CASQ1: variants seen among roughly 807,000 people sequenced by gnomAD.
CASQ1 encodes calsequestrin 1, also known as calsequestrin-1.
In CASQ1, 40 loss-of-function variants were observed where a neutral mutation model predicts 49.5. The observed-to-expected ratio is 0.81, with a 90% CI of 0.63 to 1.05. CASQ1 has a LOEUF of 1.05. Ranked by LOEUF, CASQ1 falls within the 50% of genes least tolerant of loss-of-function variation. The pLI is 0.00. For missense variants in CASQ1, 469 were observed against 486.9 expected (o/e 0.96, Z 0.35); for synonymous variants, 174 against 187.2 (o/e 0.93, Z 0.58).
intron 1 of CASQ1, 110 bp downstream of exon 1, chr1:160,191,140 T>C: frequency 8.4e-7 from 1 of 1,193,872 alleles, no homozygotes; most frequent in Non-Finnish European, 1.2e-6. Flanking sequence ...TGAGGGGCAG[T>C]GTGGTAGGAA....
At chr1:160,192,983 C>A (rs1654112784) in intron 2 of CASQ1, 97 bp downstream of exon 2, 23 of 906,860 alleles carry the variant, frequency 2.5e-5, no homozygotes, top group South Asian at 1.9e-4. Flanking sequence ...ATCCGAGGGG[C>A]TTGGGAATCT....
At chr1:160,193,942 CCACA>C (rs879252751) in intron 3 of CASQ1, 95 bp downstream of exon 3, 2 of 737,750 alleles carry the variant, frequency 2.7e-6, no homozygotes, top group Non-Finnish European at 4.9e-6. Context: ...CACACACACA[CCACA>C]CACACACACA....
rs1654051832 is a variant in CASQ1, at chr1:160,190,708, A to G, written c.-44A>G. On this transcript the variant is annotated 5_prime_UTR_variant, in exon 1 of 11. Transcript: ENST00000368078. ...CAGGGGCCCCTCCCTACCCCAGCTA[A>G]CCTCTTCTGGACCAGGAGAGCCAAC... 13 of 1,589,966 alleles carry G rather than the reference A, an allele frequency of 8.2e-6. No homozygotes were observed. The highest frequency in any genetic ancestry group is 1.1e-5 in the Non-Finnish European group (13 of 1,165,054).
intron 5 of CASQ1, 74 bp downstream of exon 5, chr1:160,195,608 G>C (rs115059371): frequency 2.1e-6 from 3 of 1,402,830 alleles, no homozygotes; most frequent in Non-Finnish European, 3.0e-6. Context: ...TCCCAGAATC[G>C]ATGGCTGACC....
intron 4 of CASQ1, 112 bp downstream of exon 4, chr1:160,195,235 C>A: frequency 1.3e-6 from 1 of 765,600 alleles, no homozygotes; most frequent in African/African-American, 1.7e-5. Context: ...CTTCCCACCT[C>A]TTCCTCCAGC....
At chr1:160,192,618 T>G (rs1230149204) in intron 1 of CASQ1, 184 bp from the exon 2 acceptor site, 1 of 615,116 alleles carries the variant, frequency 1.6e-6, no homozygotes, top group African/African-American at 1.8e-5. Flanking sequence ...ATGAACTAAG[T>G]TGAGCCAAAA....
intron 5 of CASQ1, 28 bp from the exon 6 acceptor site, chr1:160,195,869 C>T: frequency 3.7e-6 from 6 of 1,611,154 alleles, no homozygotes; most frequent in Non-Finnish European, 5.1e-6. Context: ...TCTCCTGCTC[C>T]ACTCCCCTCC....
chr1:160,195,607 C>G, intron 5 of CASQ1, 73 bp downstream of exon 5: 7 of 1,400,612 alleles, frequency 5.0e-6, no homozygotes, highest in Non-Finnish European at 7.1e-6. Context: ...CTCCCAGAAT[C>G]GATGGCTGAC....
rs776573308 is a variant in CASQ1, at chr1:160,195,954, G to C, written c.709G>C (p.Glu237Gln). Residue 237 changes from glutamate (E) to glutamine (Q), a missense_variant, in exon 6 of 11, where the codon GAA becomes CAA. Glu to Gln is a conservative substitution (Grantham distance 29). Transcript: ENST00000368078. ...NEIDFYEAFM[E>Q]EPVTIPDKPN... ...GATTGATTTCTACGAGGCCTTCATGGAAGAGCCTGTGACCATCCCAGACAA... is the reference window on the plus strand; with the variant it reads ...GATTGATTTCTACGAGGCCTTCATGCAAGAGCCTGTGACCATCCCAGACAA... 7 of 1,614,038 alleles carry C rather than the reference G, an allele frequency of 4.3e-6. No homozygotes were observed. The South Asian group carries it at 7.7e-5, about 18-fold the overall frequency.
intron 1 of CASQ1, 25 bp from the exon 2 acceptor site, chr1:160,192,777 T>G: frequency 6.2e-7 from 1 of 1,608,806 alleles, no homozygotes; most frequent in Non-Finnish European, 8.5e-7. Flanking sequence ...CAGGGGCTAA[T>G]TTTAATCATA....
In CASQ1 at chr1:160,196,031, G is replaced by A. The variant is rs1378120267; in HGVS notation, c.782+4G>A. The A allele has an allele frequency of 6.2e-7, 1 of 1,613,498 alleles. No individual in the cohort carries two copies. Among genetic ancestry groups the A allele is most frequent in the Non-Finnish European group, 8.5e-7 (1 of 1,179,714 alleles). On this transcript the variant is annotated splice_donor_region_variant and intron_variant, in intron 6 of 10. Coordinates refer to ENST00000368078, the MANE Select transcript of CASQ1 (RefSeq NM_001231.5). ...ACTTCGTGGAGGAGCACAGGAGGTG[G>A]GGACCAAGGGCAACCCTCTCAGCGG...
At chr1:160,198,922 C>A in intron 8 of CASQ1, 31 bp from the exon 9 acceptor site, 1 of 1,409,392 alleles carries the variant, frequency 7.1e-7, no homozygotes, top group Non-Finnish European at 1.0e-6. Flanking sequence ...TCTCTACACA[C>A]CTCATACCTT....
chr1:160,195,922 T>G lies in CASQ1; in HGVS notation c.677T>G (p.Leu226Arg). 6.2e-7 allele frequency: 1 copy of G among 1,613,942 alleles called. No homozygotes were observed. Among genetic ancestry groups the G allele is most frequent in the South Asian group, 1.1e-5 (1 of 91,028 alleles). ...GTGGCAAAGAAGCTGACCCTGAAGC[T>G]GAATGAGATTGATTTCTACGAGGCC... ...SKVAKKLTLK[L>R]NEIDFYEAFM... The change falls in exon 6 of 11, where the codon CTG becomes CGG. Residue 226 changes from leucine to arginine, a missense_variant. By Grantham distance (102) the Leu-to-Arg change is moderately radical. Coordinates refer to ENST00000368078, the MANE Select transcript of CASQ1 (RefSeq NM_001231.5).
At chr1:160,193,557 G>C (rs1379190928) in intron 2 of CASQ1, among the ~76,000 whole-genome samples, 190 bp from the exon 3 acceptor site, 2 of 152,106 alleles carry the variant, frequency 1.3e-5, no homozygotes, top group African/African-American at 4.8e-5. Context: ...GCTTAATCCA[G>C]GGGCAGAGAC....
At chr1:160,198,656 C>A (rs1654299440) in intron 7 of CASQ1, 21 bp from the exon 8 acceptor site, 3 of 1,604,840 alleles carry the variant, frequency 1.9e-6, no homozygotes, top group Admixed American at 1.7e-5. Context: ...AAACCCTGTT[C>A]TCCTTCTTAC....
Position 160,201,692 on chromosome 1 carries a change from C to A in CASQ1, c.*316C>A, listed in dbSNP as rs1571053924. 1 of 406,092 alleles carries A rather than the reference C, an allele frequency of 2.5e-6. No individual in the cohort carries two copies. The allele number at this position is 406,092 out of a possible 1,614,324, so 25.2% of individuals were successfully genotyped here. On this transcript the variant is annotated 3_prime_UTR_variant, in exon 11 of 11. Coordinates refer to ENST00000368078, the MANE Select transcript of CASQ1 (RefSeq NM_001231.5). Reference sequence around the variant, plus strand: ...ATTCTCCTCTAGCCATATATATGGGCCCCATCTCTGTTCTGTTCCCTCCAT... The same window carrying A: ...ATTCTCCTCTAGCCATATATATGGGACCCATCTCTGTTCTGTTCCCTCCAT...
At chr1:160,197,348 C>G (rs1654266895) in intron 6 of CASQ1, among the ~76,000 whole-genome samples, 1 of 152,230 alleles carries the variant, frequency 6.6e-6, no homozygotes, top group Non-Finnish European at 1.5e-5. Flanking sequence ...CCCCCAGTCT[C>G]TCTTCCAGTC....
At chr1:160,191,391 C>T (rs1654072467) in intron 1 of CASQ1, among the ~76,000 whole-genome samples, 1 of 152,124 alleles carries the variant, frequency 6.6e-6, no homozygotes, top group Non-Finnish European at 1.5e-5. Flanking sequence ...ATTGCACTCC[C>T]CTACCCCACC....
At position 160,196,037 on chromosome 1, in the gene CASQ1, A is replaced by G; in HGVS notation, c.782+10A>G. On this transcript the variant is annotated intron_variant, in intron 6 of 10. Transcript: ENST00000368078. ...TGGAGGAGCACAGGAGGTGGGGACCAAGGGCAACCCTCTCAGCGGGGTCGG... is the reference window on the plus strand; with the variant it reads ...TGGAGGAGCACAGGAGGTGGGGACCGAGGGCAACCCTCTCAGCGGGGTCGG... 2.5e-6 allele frequency: 4 copies of G among 1,613,454 alleles called. No homozygotes were observed. Among genetic ancestry groups the G allele is most frequent in the Non-Finnish European group, 3.4e-6 (4 of 1,179,656 alleles).
Sources: gnomAD v4.1 joint callset for allele counts (sites outside exome capture counted in the v4.1 genomes callset) on GRCh38, gnomAD v4.1.1 for gene constraint, MANE v1.5 for transcripts, NCBI Gene and HGNC (gene_info 2026-07-23, HGNC 2026-07-21) for gene names.